COCH: variants seen among roughly 807,000 people sequenced by gnomAD.
COCH encodes the protein cochlin.
COCH carries 40 observed loss-of-function variants against 54.8 expected under a neutral mutation model. That is an observed-to-expected ratio of 0.73 (90% CI 0.57 to 0.95). The LOEUF (loss-of-function observed/expected upper bound fraction) is 0.95. Ranked by LOEUF, COCH falls within the 40% of genes least tolerant of loss-of-function variation. The pLI, the probability that COCH is intolerant of heterozygous loss-of-function variation, is 0.00. For missense variants in COCH, 605 were observed against 675.0 expected (o/e 0.90, Z 1.15); for synonymous variants, 256 against 237.9 (o/e 1.08, Z -0.70).
At chr14:30,874,739 C>A in intron 1 of COCH, 148 bp downstream of exon 1, 1 of 652,060 alleles carries the variant, frequency 1.5e-6, no homozygotes, top group Non-Finnish European at 2.7e-6. Flanking sequence ...GGGCTTCGCT[C>A]GATTTGCCGC....
Position 30,874,574 on chromosome 14 carries a change from C to T in COCH, c.-41C>T, listed in dbSNP as rs1205805272. ...CTTGCCTTCCGCACTCGGGCGCAGC[C>T]GGGTGGATCTCGAGCAGGTGCGGAG... On this transcript the variant is annotated 5_prime_UTR_variant, in exon 1 of 12. Coordinates refer to ENST00000396618, the MANE Select transcript of COCH (RefSeq NM_004086.3). The T allele has an allele frequency of 4.5e-6, 2 of 441,452 alleles. No individual in the cohort carries two copies. Among genetic ancestry groups the T allele is most frequent in the Non-Finnish European group, 8.3e-6 (2 of 241,764 alleles). 27.3% of individuals were successfully genotyped at this position (441,452 alleles called of 1,614,324 possible).
Position 30,877,843 on chromosome 14 carries a change from C to T in COCH, c.239+115C>T, listed in dbSNP as rs1208556506. On this transcript the variant is annotated intron_variant, in intron 4 of 11. Transcript: ENST00000396618. This position sits in a 1 kb window ranked among gnomAD's most constrained non-coding sequence, Gnocchi z 8.6. ...ATTCTTTCTTTTGTTGCCATTGTGG[C>T]CACAGAAAATGGATATATTTTCACG... 2.5e-5 allele frequency: 38 copies of T among 1,534,210 alleles called. No individual in the cohort carries two copies. Among genetic ancestry groups the T allele is most frequent in the Admixed American group, 7.5e-5 (4 of 53,550 alleles).
chr14:30,876,144 AAT>A (rs1015543405), intron 3 of COCH: 3 of 152,192 alleles, frequency 2.0e-5, no homozygotes, highest in African/African-American at 7.2e-5. Context: ...TTTTAAAATT[AAT>A]ATATGTTTTA....
downstream of COCH, chr14:30,894,949 C>A (rs528157875): frequency 2.8e-6 from 3 of 1,073,566 alleles, no homozygotes; most frequent in East Asian, 1.5e-4. Flanking sequence ...GGCATTCAAC[C>A]GATAAACAGA....
intron 6 of COCH, 127 bp downstream of exon 6, chr14:30,879,612 A>G: frequency 1.1e-6 from 1 of 882,620 alleles, no homozygotes; most frequent in Non-Finnish European, 1.9e-6. Flanking sequence ...CAAATACCTT[A>G]AGTTTACTGG....
At chr14:30,892,946 C>T (rs897509053), downstream of COCH, among the ~76,000 whole-genome samples, 14 of 152,160 alleles carry the variant, frequency 9.2e-5, no homozygotes, top group Non-Finnish European at 1.9e-4. Context: ...CAGCAGCAAG[C>T]ATTCAAATTG....
downstream of COCH, chr14:30,890,713 A>G (rs1895953985): frequency 5.9e-6 from 2 of 336,420 alleles, no homozygotes; most frequent in South Asian, 2.4e-4. Context: ...AAATCATGTA[A>G]TAATACCAAG....
chr14:30,893,323 T>C (rs1267078257), downstream of COCH, among the ~76,000 whole-genome samples: 1 of 151,890 alleles, frequency 6.6e-6, no homozygotes, highest in East Asian at 1.9e-4. Flanking sequence ...ATTTTGTGTG[T>C]GTGTGTTTTT....
chr14:30,877,868 G>A lies in COCH; in HGVS notation c.239+140G>A, dbSNP rs780702067. 56 of 1,421,664 alleles carry A rather than the reference G, an allele frequency of 3.9e-5. 1 individual carries two copies. The highest frequency in any genetic ancestry group is 1.5e-4 in the South Asian group (12 of 79,430). The allele number at this position is 1,421,664 out of a possible 1,614,324, so 88.1% of individuals were successfully genotyped here. ...CCACAGAAAATGGATATATTTTCACGGTTCTCCTGGATATACTTGAAACAC... is the reference window on the plus strand; with the variant it reads ...CCACAGAAAATGGATATATTTTCACAGTTCTCCTGGATATACTTGAAACAC... On this transcript the variant is annotated intron_variant, in intron 4 of 11. Transcript: ENST00000396618. This position sits in a 1 kb window ranked among gnomAD's most constrained non-coding sequence, Gnocchi z 8.6.
intron 3 of COCH, chr14:30,875,410 CAGG>C (rs1895321912): frequency 1.7e-6 from 1 of 597,014 alleles, no homozygotes; most frequent in African/African-American, 1.9e-5. Context: ...GCGCCGGCAG[CAGG>C]AGGTCGAGGA....
At chr14:30,882,120 GTTTTTTTTTTTTT>G (rs61175020) in intron 8 of COCH, among the ~76,000 whole-genome samples, 8 of 67,914 alleles carry the variant, frequency 1.2e-4, no homozygotes, top group African/African-American at 5.3e-4. Context: ...CTATAAAATG[GTTTTTTTTTTTTT>G]TTTTTTTTTT....
At position 30,877,651 on chromosome 14, in the gene COCH, C is replaced by T. The variant is rs1594371442; in HGVS notation, c.162C>T (p.Cys54=). 8.1e-6 allele frequency: 13 copies of T among 1,614,190 alleles called. No homozygotes were observed. Among genetic ancestry groups the T allele is most frequent in the African/African-American group, 1.3e-5 (1 of 75,048 alleles). The change falls in exon 4 of 12, where the codon TGC becomes TGT. Residue 54 remains cysteine (C), a synonymous_variant. Transcript: ENST00000396618. The surrounding 1 kb of genome is among the most constrained non-coding windows in gnomAD (Gnocchi z 8.6). ...CAGATGTCCTCTGCCCAGGGGGCTG[C>T]CCTCTTGAGGAATTCTCTGTGTATG... ...EKADVLCPGG[C]PLEEFSVYGN...
At chr14:30,892,809 T>A (rs543534692), downstream of COCH, among the ~76,000 whole-genome samples, 79 of 144,660 alleles carry the variant, frequency 5.5e-4, no homozygotes, top group African/African-American at 1.8e-3. Context: ...CTCCGCTCCA[T>A]CTCAAAAAAA....
At chr14:30,875,155 G>T in intron 3 of COCH, 52 bp downstream of exon 3, 1 of 1,540,992 alleles carries the variant, frequency 6.5e-7, no homozygotes. Flanking sequence ...CTGAGCACCA[G>T]CGGGTACAAG....
downstream of COCH, chr14:30,894,882 A>G: frequency 1.1e-6 from 1 of 869,698 alleles, no homozygotes; most frequent in Non-Finnish European, 1.5e-6. Flanking sequence ...TTTAAGTTAA[A>G]TTTTCTTTTT....
At position 30,880,434 on chromosome 14, in the gene COCH, G is replaced by C. The variant is rs576687183; in HGVS notation, c.437-18G>C. 6.2e-7 allele frequency: 1 copy of C among 1,613,438 alleles called. No homozygotes were observed. The highest frequency in any genetic ancestry group is 1.1e-5 in the South Asian group (1 of 90,974). ...ACTGTCTTCCTTTTGTTAATGCCAA[G>C]TGCATCTTTTATTTCAGGTAAACGA... On this transcript the variant is annotated intron_variant, in intron 6 of 11. Coordinates refer to ENST00000396618, the MANE Select transcript of COCH (RefSeq NM_004086.3).
chr14:30,875,277 C>T lies in COCH; in HGVS notation c.82+174C>T, dbSNP rs1124180. The T allele has an allele frequency of 4.7e-3, 4,210 of 891,114 alleles. 108 individuals are homozygous for T. In the African/African-American group the frequency reaches 0.056, roughly 12 times the overall value. The allele number at this position is 891,114 out of a possible 1,614,324, so 55.2% of individuals were successfully genotyped here. A position where few individuals can be genotyped will look rare whatever the true frequency, so the allele number is the denominator to read the frequency against. On this transcript the variant is annotated intron_variant, in intron 3 of 11. Coordinates refer to ENST00000396618, the MANE Select transcript of COCH (RefSeq NM_004086.3). ...GTTAACCCCTGCAGCCGATCTGCTC[C>T]TGCTCACCTGTTTCTCCCATGGTAG...
At position 30,889,810 on chromosome 14, in the gene COCH, T is replaced by A. The variant is rs1404395562; in HGVS notation, c.*19T>A. On this transcript the variant is annotated 3_prime_UTR_variant, in exon 12 of 12. Transcript: ENST00000396618. ...GCAATAATGGTAACATTTTGACAAC[T>A]GAAAGAAAAAGTACAAGGGGATCCA... The A allele has an allele frequency of 6.2e-7, 1 of 1,605,900 alleles. No individual in the cohort carries two copies. The highest frequency in any genetic ancestry group is 8.5e-7 in the Non-Finnish European group (1 of 1,174,468).
rs751018920 is a variant in COCH at position 30,889,685 on chromosome 14, C to T, written c.1547C>T (p.Pro516Leu). ...LDDLKDMASK[P>L]KESHAFFTRE... ...GACCTGAAAGATATGGCTTCTAAAC[C>T]GAAGGAGTCTCATGCTTTCTTCACA... Residue 516 changes from proline (P) to leucine (L), a missense_variant, in exon 12 of 12, where the codon CCG becomes CTG. Transcript: ENST00000396618. 2.5e-6 allele frequency: 4 copies of T among 1,613,902 alleles called. No individual in the cohort carries two copies. The highest frequency in any genetic ancestry group is 3.3e-5 in the Admixed American group (2 of 60,026).
Sources: gnomAD v4.1 joint callset for allele counts (sites outside exome capture counted in the v4.1 genomes callset) on GRCh38, gnomAD v4.1.1 for gene constraint, Gnocchi (gnomAD v3.1) non-coding constraint, MANE v1.5 for transcripts, NCBI Gene and HGNC (gene_info 2026-07-23, HGNC 2026-07-21) for gene names.